Variants in IPO8 observed in about 807,000 individuals in gnomAD.
The protein encoded by IPO8 is importin 8.
A neutral mutation model predicts 141.2 loss-of-function variants in IPO8; 65 were observed. The ratio of observed to expected loss-of-function variants is 0.46; its 90% CI spans 0.38 to 0.57. The LOEUF (loss-of-function observed/expected upper bound fraction) is 0.57. Ranked by LOEUF, IPO8 falls within the 20% of genes least tolerant of loss-of-function variation. The pLI is 0.00. For synonymous variants in IPO8, 411 were observed against 420.3 expected (o/e 0.98, Z 0.27); for missense variants, 980 against 1,246.8 (o/e 0.79, Z 3.22).
At chr12:30,661,800 C>T (rs896511406) in intron 15 of IPO8, among the ~76,000 whole-genome samples, 1 of 151,774 alleles carries the variant, frequency 6.6e-6, no homozygotes, top group Non-Finnish European at 1.5e-5. Flanking sequence ...TGATTCAAAG[C>T]CCAGAAATTA....
In IPO8 at chr12:30,674,069, C is replaced by T. The variant is rs763722699; in HGVS notation, c.830G>A (p.Gly277Glu). ...TTCTTTTGTGACATTTCCTGGGCTT[C>T]CATATCTTAAAATACAAAGAGAAAA... ...HIVARLFERY[G>E]SPGNVTKEYF... The change falls in exon 8 of 25, where the codon GGA (glycine) becomes GAA (glutamate). Residue 277 changes from glycine (G) to glutamate (E), a missense_variant. Around this residue, in one of 3 missense-constraint regions of IPO8, gnomAD observed 924 missense variants for 1,153.9 expected, o/e 0.80. Transcript: ENST00000256079. 6.4e-7 allele frequency: 1 copy of T among 1,565,372 alleles called. No individual in the cohort carries two copies. The highest frequency in any genetic ancestry group is 2.3e-5 in the East Asian group (1 of 44,252).
Position 30,693,598 on chromosome 12 carries a change from T to C in IPO8, c.84+1966A>G, listed in dbSNP as rs139948296. 1.2e-3 allele frequency among the ~76,000 whole-genome samples: 190 copies of C among 152,334 alleles called. 4 individuals carry two copies. In the East Asian group the frequency reaches 0.027, roughly 21 times the overall value. ...CTCATTTATCCAACAAAGTCGGATG[T>C]TACAGTGGTGGCAAAGGACAAGCAG... On this transcript the variant is annotated intron_variant, in intron 1 of 24. Coordinates refer to ENST00000256079, the MANE Select transcript of IPO8 (RefSeq NM_006390.4).
intron 20 of IPO8, among the ~76,000 whole-genome samples, chr12:30,647,449 G>A (rs1327897606): frequency 2.0e-5 from 3 of 151,362 alleles, no homozygotes; most frequent in African/African-American, 7.3e-5. Context: ...TGTAGTCCCA[G>A]GACTTTTCTA....
chr12:30,680,428 T>C (rs2053176909), intron 5 of IPO8, 54 bp downstream of exon 5: 5 of 1,387,764 alleles, frequency 3.6e-6, no homozygotes, highest in East Asian at 2.3e-5. Flanking sequence ...GCACTTTCCA[T>C]GTGTCAGGCA....
chr12:30,654,986 T>C (rs1214280812), intron 17 of IPO8, among the ~76,000 whole-genome samples: 1 of 151,888 alleles, frequency 6.6e-6, no homozygotes, highest in East Asian at 1.9e-4. Flanking sequence ...AAAGAAAATG[T>C]GGTATATATA....
At chr12:30,667,371 A>C (rs1702594577) in intron 10 of IPO8, among the ~76,000 whole-genome samples, 1 of 152,250 alleles carries the variant, frequency 6.6e-6, no homozygotes, top group South Asian at 2.1e-4. Context: ...CTATCTTAAC[A>C]TCAAAGCCTG....
Position 30,674,654 on chromosome 12 carries a change from A to T in IPO8, c.824+5T>A. On this transcript the variant is annotated splice_donor_5th_base_variant and intron_variant, in intron 7 of 24. Coordinates refer to ENST00000256079, the MANE Select transcript of IPO8 (RefSeq NM_006390.4). ...TGATCATCAATGTAATAAACAGATA[A>T]TTACCGTTCAAAGAGCCGAGCTACA... 1 of 1,587,252 alleles carries T rather than the reference A, an allele frequency of 6.3e-7. No homozygotes were observed. The highest frequency in any genetic ancestry group is 8.7e-7 in the Non-Finnish European group (1 of 1,155,676).
chr12:30,632,844 G>A (rs1245933881), intron 23 of IPO8, among the ~76,000 whole-genome samples: 1 of 152,152 alleles, frequency 6.6e-6, no homozygotes, highest in Non-Finnish European at 1.5e-5. Flanking sequence ...ATGGGCAATG[G>A]GATGGACCAC....
intron 10 of IPO8, among the ~76,000 whole-genome samples, chr12:30,667,127 T>C (rs2052977737): frequency 6.6e-6 from 1 of 152,180 alleles, no homozygotes; most frequent in Admixed American, 6.5e-5. Flanking sequence ...ACAAACATAA[T>C]AAGAACATTT....
At chr12:30,637,229 G>A (rs2136125712) in intron 21 of IPO8, 42 bp from the exon 22 acceptor site, 3 of 1,441,824 alleles carry the variant, frequency 2.1e-6, no homozygotes, top group East Asian at 2.3e-5. Context: ...CATGAGAAGT[G>A]GAATAAAGAA....
intron 9 of IPO8, 69 bp downstream of exon 9, chr12:30,670,893 T>C: frequency 7.5e-7 from 1 of 1,328,040 alleles, no homozygotes. Flanking sequence ...GGATTAGTAA[T>C]ACTAACTTTG....
intron 6 of IPO8, among the ~76,000 whole-genome samples, chr12:30,675,172 G>C (rs2053103217): frequency 6.6e-6 from 1 of 152,174 alleles, no homozygotes; most frequent in Non-Finnish European, 1.5e-5. Flanking sequence ...ATATGGACAA[G>C]AGAAATAATA....
intron 21 of IPO8, among the ~76,000 whole-genome samples, chr12:30,637,766 C>T (rs561966260): frequency 9.9e-4 from 150 of 152,152 alleles, no homozygotes; most frequent in Non-Finnish European, 2.0e-3. Context: ...AAAGTTTGAC[C>T]AGTAAACATT....
At chr12:30,692,270 T>C (rs1429835678) in intron 1 of IPO8, among the ~76,000 whole-genome samples, 3 of 152,242 alleles carry the variant, frequency 2.0e-5, no homozygotes, top group Non-Finnish European at 4.4e-5. Context: ...ATATACCTAT[T>C]GCAGAGACTT....
In IPO8 at chr12:30,684,392, C is replaced by T. The variant is rs1355914752; in HGVS notation, c.232G>A (p.Ala78Thr). 3 of 1,614,138 alleles carry T rather than the reference C, an allele frequency of 1.9e-6. No individual in the cohort carries two copies. The highest frequency in any genetic ancestry group is 1.7e-5 in the Admixed American group (1 of 60,028). The change falls in exon 3 of 25, where the codon GCA (alanine) becomes ACA (threonine). Residue 78 changes from alanine to threonine, a missense_variant. Coordinates refer to ENST00000256079, the MANE Select transcript of IPO8 (RefSeq NM_006390.4). ...WPDREPPPGE[A>T]IFPFNIHEND... ...TCGTGAATGTTGAATGGAAATATTGCTTCTCCTGGTGGAGGTTCTCGATCT... is the reference window on the plus strand; with the variant it reads ...TCGTGAATGTTGAATGGAAATATTGTTTCTCCTGGTGGAGGTTCTCGATCT...
chr12:30,663,461 A>T (rs905472101), intron 14 of IPO8, 28 bp downstream of exon 14: 6 of 1,559,614 alleles, frequency 3.8e-6, no homozygotes, highest in Middle Eastern at 3.4e-4. Context: ...TTATTTGAGA[A>T]GATGTCTAAA....
At chr12:30,693,187 A>G (rs1245246774) in intron 1 of IPO8, among the ~76,000 whole-genome samples, 4 of 152,188 alleles carry the variant, frequency 2.6e-5, no homozygotes, top group Admixed American at 1.3e-4. Flanking sequence ...CAAGGTACCT[A>G]CCCATTCCTA....
intron 15 of IPO8, among the ~76,000 whole-genome samples, chr12:30,661,684 G>A (rs1407466130): frequency 4.0e-5 from 6 of 149,118 alleles, no homozygotes; most frequent in Admixed American, 1.3e-4. Flanking sequence ...CAGTCCAGAT[G>A]TGATTCTCCA....
intron 9 of IPO8, among the ~76,000 whole-genome samples, chr12:30,669,604 G>A (rs1291532868): frequency 6.6e-6 from 1 of 151,530 alleles, no homozygotes; most frequent in Non-Finnish European, 1.5e-5. Context: ...ACCAGCCTGG[G>A]CACTGTAGCG....
Sources: gnomAD v4.1 joint callset for allele counts (sites outside exome capture counted in the v4.1 genomes callset) on GRCh38, gnomAD v4.1.1 for gene constraint, gnomAD v4.1.1 regional missense constraint, MANE v1.5 for transcripts, NCBI Gene and HGNC (gene_info 2026-07-23, HGNC 2026-07-21) for gene names.